The following FANCB variants were observed in gnomAD, a reference collection of about 807,000 sequenced individuals.
FANCB encodes the protein FA complementation group B, also known as Fanconi anemia group B protein.
FANCB carries 5 observed loss-of-function variants against 38.9 expected under a neutral mutation model. That is an observed-to-expected ratio of 0.13 (90% CI 0.07 to 0.27). FANCB has a LOEUF of 0.27. Among genes scored for constraint, FANCB ranks in the 10% least tolerant of loss-of-function variants. FANCB has a pLI of 1.00. For synonymous variants in FANCB, 236 were observed against 215.4 expected (o/e 1.10, Z -0.84); for missense variants, 573 against 602.7 (o/e 0.95, Z 0.52).
At chrX:14,783,016 G>A in the FANCB span, among the ~76,000 whole-genome samples, 2 of 111,285 alleles carry the variant, frequency 1.8e-5, no homozygotes, top group African/African-American at 6.5e-5. Flanking sequence ...AAATTAGGCA[G>A]GGCTGAAACA....
chrX:14,857,203 A>G lies in FANCB; in HGVS notation c.1197+659T>C, dbSNP rs182680348. Among the ~76,000 whole-genome samples the G allele has an allele frequency of 3.1e-3, 352 of 112,361 alleles. 1 individual carries two copies. The highest frequency in any genetic ancestry group is 0.01 in the African/African-American group (319 of 31,036). On this transcript the variant is annotated intron_variant, in intron 5 of 9. Transcript: ENST00000650831. Reference sequence around the variant, plus strand: ...CACTGTATTCCTGGAATGTTTCTGTATATTTGAAAATGCTATAAACAAAAA... The same window carrying G: ...CACTGTATTCCTGGAATGTTTCTGTGTATTTGAAAATGCTATAAACAAAAA...
chrX:14,703,021 C>T, the FANCB span, among the ~76,000 whole-genome samples: 10 of 111,522 alleles, frequency 9.0e-5, no homozygotes, highest in African/African-American at 3.3e-4. Context: ...AGCAGCAGTG[C>T]CATGGGACCT....
the FANCB span, among the ~76,000 whole-genome samples, chrX:14,814,864 T>A: frequency 2.7e-5 from 3 of 112,105 alleles, no homozygotes; most frequent in East Asian, 8.3e-4. Flanking sequence ...TAAAGACACA[T>A]GCACACATAT....
downstream of FANCB, among the ~76,000 whole-genome samples, chrX:14,842,162 A>G (rs1219448854): frequency 8.9e-6 from 1 of 112,150 alleles, no homozygotes; most frequent in African/African-American, 3.2e-5. Context: ...TTCCATATGC[A>G]GAAAGTCTGA....
intron 3 of FANCB, chrX:14,862,167 T>A (rs1344537100): frequency 1.8e-5 from 2 of 111,269 alleles, no homozygotes; most frequent in East Asian, 5.6e-4. Flanking sequence ...TTTTAAGAAG[T>A]TGAGTATAAA....
chrX:14,711,916 T>G, the FANCB span, among the ~76,000 whole-genome samples: 1 of 112,576 alleles, frequency 8.9e-6, no homozygotes, highest in Non-Finnish European at 1.9e-5. Context: ...GACAGTTCCA[T>G]TTATTTAAGC....
At chrX:14,719,739 T>C in the FANCB span, among the ~76,000 whole-genome samples, 9 of 111,854 alleles carry the variant, frequency 8.0e-5, no homozygotes, top group Non-Finnish European at 1.3e-4. Context: ...TAAAGAGATA[T>C]CTGCACTCCC....
the FANCB span, among the ~76,000 whole-genome samples, chrX:14,774,530 C>T: frequency 8.9e-6 from 1 of 112,031 alleles, no homozygotes; most frequent in Non-Finnish European, 1.9e-5. Context: ...CCATACTTCA[C>T]AGTGTGCACC....
the FANCB span, among the ~76,000 whole-genome samples, chrX:14,717,410 C>T: frequency 9.1e-6 from 1 of 109,542 alleles, no homozygotes; most frequent in Non-Finnish European, 1.9e-5. Context: ...TATACTCCTA[C>T]ACACAGTTTT....
At chrX:14,774,782 A>G in the FANCB span, among the ~76,000 whole-genome samples, 2 of 111,981 alleles carry the variant, frequency 1.8e-5, no homozygotes, top group Non-Finnish European at 3.8e-5. Context: ...TCCGTAAACA[A>G]TAACATTTCT....
At chrX:14,867,088 C>A (rs1185944358) in intron 2 of FANCB, among the ~76,000 whole-genome samples, 1 of 111,167 alleles carries the variant, frequency 9.0e-6, no homozygotes, top group Non-Finnish European at 1.9e-5. Flanking sequence ...ATTAAGATGA[C>A]ACAAACTAAT....
At chrX:14,718,627 T>C in the FANCB span, among the ~76,000 whole-genome samples, 1 of 112,017 alleles carries the variant, frequency 8.9e-6, no homozygotes, top group African/African-American at 3.2e-5. Context: ...CAGTCATCTG[T>C]AGACTTGTTT....
the FANCB span, among the ~76,000 whole-genome samples, chrX:14,736,174 G>A: frequency 4.5e-5 from 5 of 111,144 alleles, no homozygotes; most frequent in African/African-American, 1.3e-4. Flanking sequence ...GCTGGGCTCC[G>A]TGGGGGTGGA....
At chrX:14,790,697 T>C in the FANCB span, among the ~76,000 whole-genome samples, 1 of 111,704 alleles carries the variant, frequency 9.0e-6, no homozygotes, top group Non-Finnish European at 1.9e-5. Flanking sequence ...GATCAGTTAG[T>C]TTTCCTGCTG....
At chrX:14,726,926 T>G in the FANCB span, among the ~76,000 whole-genome samples, 1 of 112,220 alleles carries the variant, frequency 8.9e-6, no homozygotes, top group Non-Finnish European at 1.9e-5. Flanking sequence ...ATCATGAGTT[T>G]CTAAAGGTTT....
intron 6 of FANCB, among the ~76,000 whole-genome samples, chrX:14,851,891 C>T (rs1159720766): frequency 9.0e-6 from 1 of 111,545 alleles, no homozygotes; most frequent in Non-Finnish European, 1.9e-5. Flanking sequence ...GACCCAAACC[C>T]TTACATGGCT....
At chrX:14,736,556 C>T in the FANCB span, among the ~76,000 whole-genome samples, 3 of 111,417 alleles carry the variant, frequency 2.7e-5, no homozygotes, top group East Asian at 2.9e-4. Flanking sequence ...GCTCACCCTC[C>T]GTGGGCTGCA....
chrX:14,792,733 TAC>T, the FANCB span, among the ~76,000 whole-genome samples: 5 of 111,842 alleles, frequency 4.5e-5, no homozygotes, highest in Non-Finnish European at 9.4e-5. Context: ...TATATAGAAA[TAC>T]ATTCTAAAAT....
chrX:14,747,488 A>C, the FANCB span, among the ~76,000 whole-genome samples: 1 of 112,770 alleles, frequency 8.9e-6, no homozygotes, highest in Admixed American at 9.4e-5. Context: ...GTTGCATTTA[A>C]AAAAACTACA....
Sources: allele counts gnomAD v4.1 joint callset (sites outside exome capture counted in the v4.1 genomes callset), GRCh38; gene constraint gnomAD v4.1.1; transcripts MANE v1.5; gene names NCBI Gene and HGNC (gene_info 2026-07-23, HGNC 2026-07-21).